GIGYF2: variants seen among roughly 807,000 people sequenced by gnomAD.
The protein encoded by GIGYF2 is GRB10-interacting GYF protein 2.
GIGYF2 carries 25 observed loss-of-function variants against 208.1 expected under a neutral mutation model. That is an observed-to-expected ratio of 0.12 (90% confidence interval 0.09 to 0.17). The LOEUF (loss-of-function observed/expected upper bound fraction) is 0.17. Ranked by LOEUF, GIGYF2 falls within the 10% of genes least tolerant of loss-of-function variation. GIGYF2 has a pLI of 1.00. For missense variants in GIGYF2, 1,302 were observed against 1,579.4 expected (o/e 0.82, Z 2.98); for synonymous variants, 534 against 543.8 (o/e 0.98, Z 0.25).
At chr2:232,717,962 A>C (rs1696765075) in intron 2 of GIGYF2, among the ~76,000 whole-genome samples, 1 of 151,852 alleles carries the variant, frequency 6.6e-6, no homozygotes, top group Non-Finnish European at 1.5e-5. Flanking sequence ...AAACCATAGT[A>C]CTCTTCTTGA....
chr2:232,744,687 A>G (rs1008843085), intron 3 of GIGYF2, among the ~76,000 whole-genome samples: 2 of 151,892 alleles, frequency 1.3e-5, no homozygotes, highest in African/African-American at 4.8e-5. Flanking sequence ...ATGAGCCACC[A>G]TACCTGGCTA....
intron 2 of GIGYF2, among the ~76,000 whole-genome samples, chr2:232,714,754 A>G (rs187490893): frequency 2.0e-5 from 3 of 151,296 alleles, no homozygotes; most frequent in East Asian, 3.9e-4. Flanking sequence ...TCTTCTAGAA[A>G]TTCATGTAAA....
At chr2:232,800,671 A>G (rs1700370253) in intron 14 of GIGYF2, among the ~76,000 whole-genome samples, 1 of 151,578 alleles carries the variant, frequency 6.6e-6, no homozygotes, top group Non-Finnish European at 1.5e-5. Context: ...TGTAGCCTCA[A>G]ACTCCTGGGC....
At chr2:232,809,626 G>T in intron 15 of GIGYF2, 94 bp from the exon 16 acceptor site, 1 of 781,988 alleles carries the variant, frequency 1.3e-6, no homozygotes, top group Non-Finnish European at 2.4e-6. Context: ...AAAGGTCTTA[G>T]ATTCATTTTG....
chr2:232,750,095 G>C (rs1698284653), intron 5 of GIGYF2, among the ~76,000 whole-genome samples: 1 of 151,924 alleles, frequency 6.6e-6, no homozygotes. Flanking sequence ...TGAGGCAGGA[G>C]AATCGCTTGA....
chr2:232,713,954 C>CT (rs34183844), intron 2 of GIGYF2, among the ~76,000 whole-genome samples: 64 of 130,088 alleles, frequency 4.9e-4, no homozygotes, highest in African/African-American at 5.5e-4. Flanking sequence ...TTTTTTTTCT[C>CT]TTTTTTTTTT....
At chr2:232,842,532 T>C (rs1701852032) in intron 23 of GIGYF2, among the ~76,000 whole-genome samples, 1 of 152,276 alleles carries the variant, frequency 6.6e-6, no homozygotes, top group African/African-American at 2.4e-5. Context: ...CTCTTATTTC[T>C]ATTTCTGCTG....
At chr2:232,708,333 T>A (rs747449874) in intron 2 of GIGYF2, among the ~76,000 whole-genome samples, 6 of 152,172 alleles carry the variant, frequency 3.9e-5, no homozygotes, top group Admixed American at 1.3e-4. Context: ...GAGGGCAGAC[T>A]ATGTTGTTTA....
chr2:232,837,162 G>C (rs1168079942), intron 22 of GIGYF2, among the ~76,000 whole-genome samples: 1 of 152,192 alleles, frequency 6.6e-6, no homozygotes, highest in East Asian at 1.9e-4. Context: ...CACATCTGTT[G>C]CACTTGTTTG....
intron 23 of GIGYF2, 54 bp downstream of exon 23, chr2:232,840,025 C>T (rs1204946780): frequency 5.2e-5 from 81 of 1,550,486 alleles, no homozygotes; most frequent in Non-Finnish European, 7.0e-5. Flanking sequence ...GAATATCTAG[C>T]ATGCATTATG....
chr2:232,847,361 T>C lies in GIGYF2; in HGVS notation c.3474T>C (p.Val1158=). Residue 1158 remains valine, a synonymous_variant, in exon 27 of 29, where the codon GTT becomes GTC. Coordinates refer to ENST00000373563, the MANE Select transcript of GIGYF2 (RefSeq NM_001103146.3). The stretch of plus-strand genomic sequence containing the variant: ...CCCGTTTTGCAGTTCCCACATTTGT[T>C]TCTTTCCTGAAAGAAGTAGAATCTC... The part of the protein sequence containing the change: ...TANNLDVPTF[V]SFLKEVESPY... 6.2e-7 allele frequency: 1 copy of C among 1,612,360 alleles called. No homozygotes were observed. Among genetic ancestry groups the C allele is most frequent in the Non-Finnish European group, 8.5e-7 (1 of 1,178,706 alleles).
intron 21 of GIGYF2, among the ~76,000 whole-genome samples, chr2:232,824,031 G>T (rs1489702406): frequency 1.3e-5 from 2 of 152,170 alleles, no homozygotes. Context: ...TTGTTGTGGA[G>T]TGCCGTGAAC....
At chr2:232,802,322 G>A (rs572571552) in intron 14 of GIGYF2, among the ~76,000 whole-genome samples, 1 of 151,760 alleles carries the variant, frequency 6.6e-6, no homozygotes, top group South Asian at 2.1e-4. Context: ...GGCGTCCTTC[G>A]CTATCTCCTA....
At chr2:232,807,522 CA>C (rs201518742) in intron 15 of GIGYF2, among the ~76,000 whole-genome samples, 1 of 150,534 alleles carries the variant, frequency 6.6e-6, no homozygotes, top group Admixed American at 6.6e-5. Flanking sequence ...GACCCTGTCT[CA>C]AAAAAAAATA....
chr2:232,815,627 T>C lies in GIGYF2; in HGVS notation c.2108-10T>C, dbSNP rs754309389. 5.7e-6 allele frequency: 8 copies of C among 1,398,282 alleles called. No individual in the cohort carries two copies. The Admixed American group carries it at 1.2e-4, about 20-fold the overall frequency. 86.6% of individuals were successfully genotyped at this position (1,398,282 alleles called of 1,614,324 possible). ...TGTCATTCCTCGTTGTTTCTTTTGT[T>C]GTCTTACAGTTTGGGAAGGTGGTAG... is the stretch of plus-strand genomic sequence containing the variant. On this transcript the variant is annotated splice_polypyrimidine_tract_variant and intron_variant, in intron 18 of 28. Transcript: ENST00000373563.
intron 28 of GIGYF2, among the ~76,000 whole-genome samples, chr2:232,851,711 C>T (rs4973563): frequency 0.28 from 41,994 of 152,180 alleles, 6,531 homozygotes; most frequent in Non-Finnish European, 0.35. Flanking sequence ...TGAACCGCCA[C>T]GCCCGGCCCT....
At chr2:232,739,361 A>AGCC (rs1697873299) in intron 3 of GIGYF2, among the ~76,000 whole-genome samples, 2 of 75,598 alleles carry the variant, frequency 2.6e-5, no homozygotes, top group Non-Finnish European at 5.0e-5. Context: ...ACAAAAGCAA[A>AGCC]CCCCCCCCCC....
intron 2 of GIGYF2, among the ~76,000 whole-genome samples, chr2:232,708,692 A>G (rs1364593435): frequency 7.7e-6 from 1 of 129,278 alleles, no homozygotes; most frequent in Non-Finnish European, 1.6e-5. Context: ...AAAAAAAAAA[A>G]GTAGCTGGGC....
At chr2:232,701,097 G>A (rs1158066555) in intron 1 of GIGYF2, among the ~76,000 whole-genome samples, 1 of 152,088 alleles carries the variant, frequency 6.6e-6, no homozygotes, top group East Asian at 1.9e-4. Context: ...ATAGTTTTGT[G>A]TGAGGTTGAA....
Sources: allele counts gnomAD v4.1 joint callset (sites outside exome capture counted in the v4.1 genomes callset), GRCh38; gene constraint gnomAD v4.1.1; transcripts MANE v1.5; gene names NCBI Gene and HGNC (gene_info 2026-07-23, HGNC 2026-07-21).